Variants in FMN2 observed in about 807,000 individuals in gnomAD.
FMN2 encodes formin-2.
In FMN2, 51 loss-of-function variants were observed where a neutral mutation model predicts 142.3. That is an observed-to-expected ratio of 0.36 (90% CI 0.29 to 0.45). FMN2 has a LOEUF of 0.45. Ranked by LOEUF, FMN2 falls within the 20% of genes least tolerant of loss-of-function variation. The probability of loss-of-function intolerance (pLI) is 1.00; values close to 1 mark genes in which losing one functional copy is unlikely to be tolerated. For synonymous variants in FMN2, 882 were observed against 869.8 expected, an observed-to-expected ratio of 1.01 and a Z score of -0.25; for missense variants, 1,936 against 2,122.8, an observed-to-expected ratio of 0.91 and a Z score of 1.73.
chr1:240,472,860 G>T (rs749571509), intron 17 of FMN2, among the ~76,000 whole-genome samples: 18 of 150,404 alleles, frequency 1.2e-4, no homozygotes, highest in Non-Finnish European at 2.4e-4. Context: ...CAGAGGAATC[G>T]CTTGAACCTG....
At chr1:240,136,765 CAGG>C (rs1193292553) in intron 2 of FMN2, among the ~76,000 whole-genome samples, 4 of 151,952 alleles carry the variant, frequency 2.6e-5, no homozygotes, top group African/African-American at 4.8e-5. Flanking sequence ...TCTCAAGAGC[CAGG>C]AGGAGTATAA....
In FMN2 at chr1:240,387,727, CA is replaced by C. The variant is rs566828816; in HGVS notation, c.4859-4782del. On this transcript the variant is annotated intron_variant, in intron 14 of 17. Transcript: ENST00000319653. ...TCTGGATTCTGTATAGAAAAATTAA[CA>C]AGGAAATATGTGAGATTCCTACAAT... 6.4e-4 allele frequency among the ~76,000 whole-genome samples: 98 copies of C among 152,188 alleles called. 1 individual carries two copies. The highest frequency in any genetic ancestry group is 5.9e-4 in the Non-Finnish European group (40 of 68,010).
intron 4 of FMN2, among the ~76,000 whole-genome samples, chr1:240,194,678 T>C (rs1665846271): frequency 6.6e-6 from 1 of 152,216 alleles, no homozygotes; most frequent in Admixed American, 6.5e-5. Flanking sequence ...GTAAGTTGTT[T>C]TGGCAGCCTT....
chr1:240,289,219 A>G (rs1018479348), intron 7 of FMN2, among the ~76,000 whole-genome samples: 1 of 152,202 alleles, frequency 6.6e-6, no homozygotes, highest in African/African-American at 2.4e-5. Flanking sequence ...GGCTTATGAA[A>G]GGAAGGGGCC....
intron 15 of FMN2, among the ~76,000 whole-genome samples, chr1:240,429,874 G>T (rs1039247144): frequency 1.2e-4 from 17 of 145,226 alleles, no homozygotes; most frequent in African/African-American, 3.7e-4. Flanking sequence ...TTCCTTTTTT[G>T]TTTTTTTTTG....
chr1:240,270,363 A>G (rs1009682488), intron 7 of FMN2, among the ~76,000 whole-genome samples: 5 of 152,134 alleles, frequency 3.3e-5, no homozygotes, highest in Admixed American at 1.3e-4. Flanking sequence ...GAATTTCCAC[A>G]TCATCCAGCA....
At position 240,218,216 on chromosome 1, in the gene FMN2, G is replaced by A. The variant is rs527895721; in HGVS notation, c.4065+6981G>A. ...GAGGATTGCTTGAACCCAGGAGGTG[G>A]ATGTTGCAGTGAGTCAAGATTGCAC... On this transcript the variant is annotated intron_variant, in intron 6 of 17. Transcript: ENST00000319653. Among the ~76,000 whole-genome samples the A allele has an allele frequency of 4.7e-3, 693 of 146,024 alleles. 4 individuals are homozygous for A. The highest frequency in any genetic ancestry group is 7.6e-3 in the Non-Finnish European group (509 of 67,024).
At position 240,248,985 on chromosome 1, in the gene FMN2, A is replaced by G. The variant is rs113403306; in HGVS notation, c.4066-8960A>G. Among the ~76,000 whole-genome samples, 1,342 of 152,036 alleles carry G rather than the reference A, an allele frequency of 8.8e-3. 23 individuals are homozygous for G. The highest frequency in any genetic ancestry group is 0.03 in the African/African-American group (1,258 of 41,488). ...TACTGTTGAGTTGTTTGAGTTCCTC[A>G]TATATGGATATTAGTCCCATGTTGA... On this transcript the variant is annotated intron_variant, in intron 6 of 17. Coordinates refer to ENST00000319653, the MANE Select transcript of FMN2 (RefSeq NM_020066.5).
intron 8 of FMN2, among the ~76,000 whole-genome samples, chr1:240,296,918 G>A (rs905641267): frequency 5.3e-5 from 8 of 152,254 alleles, no homozygotes; most frequent in South Asian, 2.1e-4. Context: ...AAAGTAAATC[G>A]TGTGTTTAGT....
At chr1:240,093,847 G>C in intron 1 of FMN2, 123 bp downstream of exon 1, 1 of 606,440 alleles carries the variant, frequency 1.6e-6, no homozygotes. Context: ...TCTCTTCTCC[G>C]TAGGGAATCC....
intron 8 of FMN2, among the ~76,000 whole-genome samples, chr1:240,315,236 G>A (rs79575050): frequency 0.071 from 10,783 of 152,188 alleles, 446 homozygotes; most frequent in East Asian, 0.12. Context: ...GTTTTTGAAT[G>A]GTAGCAAACA....
Position 240,092,318 on chromosome 1 carries a change from C to G in FMN2, c.209C>G (p.Ser70Cys), listed in dbSNP as rs746759790. The change falls in exon 1 of 18, where the codon TCC becomes TGC. Residue 70 changes from serine (S) to cysteine (C), a missense_variant. This residue lies in a region of FMN2 where 751 missense variants were observed against 791.8 expected (regional missense o/e 0.95). Transcript: ENST00000319653. Reference sequence around the variant, plus strand: ...GGCAAGAAGAAGAGCAAGTCCGACTCCAGAGCCTCGGTGTTTTCCAACCTG... The same window carrying G: ...GGCAAGAAGAAGAGCAAGTCCGACTGCAGAGCCTCGGTGTTTTCCAACCTG... ...ESGKKKSKSD[S>C]RASVFSNLRI... 1.2e-6 allele frequency: 2 copies of G among 1,603,534 alleles called. No individual in the cohort carries two copies. Among genetic ancestry groups the G allele is most frequent in the Non-Finnish European group, 8.5e-7 (1 of 1,173,492 alleles).
rs770103674 is a variant in FMN2, at chr1:240,092,412, G to C, written c.303G>C (p.Gln101His). Residue 101 changes from glutamine to histidine, a missense_variant, in exon 1 of 18, where the codon CAG (glutamine) becomes CAC (histidine). Gln to His is a conservative substitution (Grantham distance 24). Around this residue, in one of 8 missense-constraint regions of FMN2, gnomAD observed 751 missense variants for 791.8 expected, o/e 0.95. Transcript: ENST00000319653. Reference protein sequence around the residue: ...GGSREDVLDSQALQTGELDSA... With the variant: ...GGSREDVLDSHALQTGELDSA... ...CCCGCGAAGATGTACTGGATTCCCA[G>C]GCCCTGCAGACCGGGGAGCTGGACA... The C allele has an allele frequency of 1.9e-6, 3 of 1,612,604 alleles. 1 individual carries two copies. In the Middle Eastern group the frequency reaches 5.0e-4, roughly 266 times the overall value.
chr1:240,273,608 G>T (rs191425171), intron 7 of FMN2, among the ~76,000 whole-genome samples: 1 of 152,214 alleles, frequency 6.6e-6, no homozygotes, highest in South Asian at 2.1e-4. Context: ...GTACTGTCTC[G>T]CTAGAGTACA....
chr1:240,417,798 A>T (rs753001759), intron 15 of FMN2, among the ~76,000 whole-genome samples: 8 of 152,198 alleles, frequency 5.3e-5, no homozygotes, highest in African/African-American at 1.4e-4. Flanking sequence ...AAATTTATTT[A>T]TCGTAAATTT....
rs77714693 is a variant in FMN2 at position 240,333,838 on chromosome 1, T to G, written c.4585-49T>G. On this transcript the variant is annotated intron_variant, in intron 11 of 17. Transcript: ENST00000319653. Reference sequence around the variant, plus strand: ...AATCTTTTTTGGTAACACTTTATATTTAATTAGTTAAAAAATATATTGTCA... The same window carrying G: ...AATCTTTTTTGGTAACACTTTATATGTAATTAGTTAAAAAATATATTGTCA... 9,503 of 1,407,206 alleles carry G rather than the reference T, an allele frequency of 6.8e-3. 510 individuals are homozygous for G. In the African/African-American group the frequency reaches 0.12, roughly 18 times the overall value. The allele number at this position is 1,407,206 out of a possible 1,614,324, so 87.2% of individuals were successfully genotyped here. A position where few individuals can be genotyped will look rare whatever the true frequency, so the allele number is the denominator to read the frequency against.
chr1:240,222,719 GT>G (rs1275719645), intron 6 of FMN2, among the ~76,000 whole-genome samples: 1 of 152,118 alleles, frequency 6.6e-6, no homozygotes, highest in Non-Finnish European at 1.5e-5. Context: ...TCCCTTGTAA[GT>G]TTTATTCCTA....
chr1:240,296,877 C>T (rs1228614839), intron 8 of FMN2, among the ~76,000 whole-genome samples: 1 of 152,162 alleles, frequency 6.6e-6, no homozygotes, highest in Admixed American at 6.5e-5. Flanking sequence ...ATTTATTATA[C>T]AGTTGTCACT....
intron 2 of FMN2, chr1:240,170,041 A>T: frequency 1.7e-6 from 1 of 572,740 alleles, no homozygotes; most frequent in Non-Finnish European, 3.1e-6. Flanking sequence ...ACACAGATGG[A>T]CATTCTGTCT....
Sources: gnomAD v4.1 joint callset for allele counts (sites outside exome capture counted in the v4.1 genomes callset) on GRCh38, gnomAD v4.1.1 for gene constraint, gnomAD v4.1.1 regional missense constraint, MANE v1.5 for transcripts, NCBI Gene and HGNC (gene_info 2026-07-23, HGNC 2026-07-21) for gene names.